Variants in ATG10 observed in about 807,000 individuals in gnomAD.
ATG10 encodes autophagy related 10, also known as ubiquitin-like-conjugating enzyme ATG10.
Under a neutral mutation model 32.1 loss-of-function variants are expected in ATG10, and 30 were observed. That is an observed-to-expected ratio of 0.94 (90% CI 0.70 to 1.27). The LOEUF is 1.27. Among genes scored for constraint, ATG10 ranks in the 50% most tolerant of loss-of-function variants. The pLI, the probability that ATG10 is intolerant of heterozygous loss-of-function variation, is 0.00. For missense variants in ATG10, 233 were observed against 262.3 expected (o/e 0.89, Z 0.77); for synonymous variants, 87 against 91.5 (o/e 0.95, Z 0.28).
intron 3 of ATG10, among the ~76,000 whole-genome samples, chr5:82,121,579 A>G (rs1265471941): frequency 1.3e-5 from 2 of 152,154 alleles, no homozygotes; most frequent in Admixed American, 1.3e-4. Flanking sequence ...CCCATTCAGT[A>G]TAATGTTGTC....
At chr5:82,089,960 A>G (rs548071059) in intron 3 of ATG10, among the ~76,000 whole-genome samples, 13 of 152,102 alleles carry the variant, frequency 8.5e-5, no homozygotes, top group African/African-American at 2.9e-4. Flanking sequence ...AAGGGAATAT[A>G]TAGATGACAA....
intron 2 of ATG10, among the ~76,000 whole-genome samples, chr5:82,023,459 ATTAGT>A (rs1762506278): frequency 1.3e-5 from 2 of 152,242 alleles, no homozygotes; most frequent in Admixed American, 1.3e-4. Context: ...GATTTAATAT[ATTAGT>A]TTAGTACACA....
chr5:82,000,258 A>T (rs1479067901), intron 2 of ATG10, among the ~76,000 whole-genome samples: 1 of 152,244 alleles, frequency 6.6e-6, no homozygotes. Context: ...CTTTTGATAC[A>T]ATTCAACATT....
chr5:82,158,441 A>G (rs1387803589), intron 3 of ATG10, among the ~76,000 whole-genome samples: 4 of 151,368 alleles, frequency 2.6e-5, no homozygotes, highest in African/African-American at 7.3e-5. Context: ...TTGCATCTGA[A>G]CTGAGCATGT....
intron 1 of ATG10, among the ~76,000 whole-genome samples, chr5:81,974,060 A>G (rs1410135157): frequency 1.3e-5 from 2 of 152,242 alleles, no homozygotes; most frequent in African/African-American, 2.4e-5. Flanking sequence ...TTTCTGAGAA[A>G]GGTAAAGCAG....
chr5:82,016,834 G>A (rs1036521044), intron 2 of ATG10, among the ~76,000 whole-genome samples: 3 of 151,950 alleles, frequency 2.0e-5, no homozygotes, highest in South Asian at 2.1e-4. Flanking sequence ...GACTGTAGGC[G>A]CCTGCCACCA....
chr5:82,215,444 T>G (rs1315929072), intron 5 of ATG10, among the ~76,000 whole-genome samples: 1 of 152,216 alleles, frequency 6.6e-6, no homozygotes, highest in Non-Finnish European at 1.5e-5. Flanking sequence ...AAGGGAATTA[T>G]TGAACCGTTT....
At chr5:82,153,011 A>G (rs896186846) in intron 3 of ATG10, among the ~76,000 whole-genome samples, 16 of 152,224 alleles carry the variant, frequency 1.1e-4, no homozygotes, top group African/African-American at 3.9e-4. Flanking sequence ...TAAGACAGGC[A>G]AAAGCCCTGC....
intron 2 of ATG10, among the ~76,000 whole-genome samples, chr5:82,058,092 A>G (rs565855965): frequency 1.3e-5 from 2 of 152,310 alleles, no homozygotes; most frequent in Admixed American, 1.3e-4. Context: ...AGAAATTGAA[A>G]TGGAAGCTTT....
chr5:82,174,683 A>G (rs1211619829), intron 4 of ATG10, among the ~76,000 whole-genome samples: 1 of 152,230 alleles, frequency 6.6e-6, no homozygotes, highest in African/African-American at 2.4e-5. Context: ...GTTGGAATAA[A>G]TATTGGTTGA....
chr5:82,241,245 A>T (rs1169081081), intron 5 of ATG10, among the ~76,000 whole-genome samples: 1 of 152,136 alleles, frequency 6.6e-6, no homozygotes, highest in Non-Finnish European at 1.5e-5. Flanking sequence ...TCCAAATCTG[A>T]CTGTTCTTCC....
At chr5:82,196,064 C>T (rs2149953946) in intron 5 of ATG10, among the ~76,000 whole-genome samples, 1 of 152,242 alleles carries the variant, frequency 6.6e-6, no homozygotes. Context: ...CATTATCTTT[C>T]TTTTAAATTA....
rs542309311 is a variant in ATG10, at chr5:82,024,828, G to C, written c.109-33667G>C. On this transcript the variant is annotated intron_variant, in intron 2 of 7. Transcript: ENST00000282185. ...TCTGTTAAGGGCAGGTCCATATGCT[G>C]TAGTGACCACTGAGTGGAGTTGGTG... Among the ~76,000 whole-genome samples the C allele has an allele frequency of 1.1e-3, 175 of 152,338 alleles. 2 individuals carry two copies. Among genetic ancestry groups the C allele is most frequent in the Admixed American group, 2.3e-3 (35 of 15,308 alleles).
chr5:82,235,563 A>G (rs1391220389), intron 5 of ATG10, among the ~76,000 whole-genome samples: 31 of 152,186 alleles, frequency 2.0e-4, no homozygotes, highest in Admixed American at 1.7e-3. Flanking sequence ...GTGGTCCTCT[A>G]TTCTCCATTA....
chr5:82,219,182 G>A (rs994241544), intron 5 of ATG10, among the ~76,000 whole-genome samples: 1 of 152,094 alleles, frequency 6.6e-6, no homozygotes, highest in African/African-American at 2.4e-5. Context: ...GTTTAAATGG[G>A]GTTTCATAGT....
At chr5:82,144,709 G>T (rs1207520869) in intron 3 of ATG10, among the ~76,000 whole-genome samples, 3 of 134,286 alleles carry the variant, frequency 2.2e-5, no homozygotes, top group African/African-American at 5.0e-5. Context: ...TATTTAAGAT[G>T]TCTTTTATTG....
intron 2 of ATG10, among the ~76,000 whole-genome samples, chr5:81,993,292 T>TCTTTCTTTC (rs141696466): frequency 3.9e-5 from 5 of 126,664 alleles, no homozygotes; most frequent in Non-Finnish European, 6.8e-5. Context: ...TTTCTTTCCT[T>TCTTTCTTTC]CTTTCTTTCC....
rs7706520 is a variant in ATG10 at position 82,240,747 on chromosome 5, G to A, written c.454-11815G>A. Among the ~76,000 whole-genome samples the A allele has an allele frequency of 3.2e-3, 482 of 152,172 alleles. 3 individuals are homozygous for A. Among genetic ancestry groups the A allele is most frequent in the Middle Eastern group, 0.014 (4 of 294 alleles). On this transcript the variant is annotated intron_variant, in intron 5 of 7. Coordinates refer to ENST00000282185, the MANE Select transcript of ATG10 (RefSeq NM_031482.5). ...ACTGACCATTACACATTGTATGTTTGTATCAAAATATCACAGGCACCCCAT... is the reference window on the plus strand; with the variant it reads ...ACTGACCATTACACATTGTATGTTTATATCAAAATATCACAGGCACCCCAT...
intron 2 of ATG10, among the ~76,000 whole-genome samples, chr5:82,004,801 C>T (rs1275156303): frequency 6.6e-6 from 1 of 152,128 alleles, no homozygotes; most frequent in African/African-American, 2.4e-5. Flanking sequence ...TCTAAGTGCT[C>T]ACTTTCCTTT....
Sources: gnomAD v4.1 joint callset for allele counts (sites outside exome capture counted in the v4.1 genomes callset) on GRCh38, gnomAD v4.1.1 for gene constraint, MANE v1.5 for transcripts, NCBI Gene and HGNC (gene_info 2026-07-23, HGNC 2026-07-21) for gene names.